Variants in PRKAA2 observed in about 807,000 individuals in gnomAD.
The protein encoded by PRKAA2 is protein kinase AMP-activated catalytic subunit alpha 2.
A neutral mutation model predicts 56.3 loss-of-function variants in PRKAA2; 40 were observed. The ratio of observed to expected loss-of-function variants is 0.71; its 90% CI spans 0.55 to 0.92. PRKAA2 has a LOEUF of 0.92. Ranked by LOEUF, PRKAA2 falls within the 40% of genes least tolerant of loss-of-function variation. PRKAA2 has a pLI of 0.00. For synonymous variants in PRKAA2, 214 were observed against 234.2 expected (o/e 0.91, Z 0.79); for missense variants, 542 against 686.9 (o/e 0.79, Z 2.36).
At chr1:56,697,686 G>A (rs1303090114) in intron 6 of PRKAA2, among the ~76,000 whole-genome samples, 1 of 152,012 alleles carries the variant, frequency 6.6e-6, no homozygotes, top group African/African-American at 2.4e-5. Flanking sequence ...TAATAGGCTG[G>A]GGGCAGTGTC....
chr1:56,664,891 C>T lies in PRKAA2; in HGVS notation c.95-9490C>T, dbSNP rs1291830326. ...ACACACACACACACACACACACACA[C>T]ATATATACATACATACAAACAGCTT... On this transcript the variant is annotated intron_variant, in intron 1 of 8. Coordinates refer to ENST00000371244, the MANE Select transcript of PRKAA2 (RefSeq NM_006252.4). Among the ~76,000 whole-genome samples, 11 of 114,166 alleles carry T rather than the reference C, an allele frequency of 9.6e-5. No individual in the cohort carries two copies. The South Asian group carries it at 4.8e-3, about 50-fold the overall frequency. The allele number at this position is 114,166 out of a possible 152,430, so 74.9% of individuals were successfully genotyped here.
intron 1 of PRKAA2, among the ~76,000 whole-genome samples, chr1:56,669,540 A>G (rs1318270270): frequency 6.6e-6 from 1 of 151,852 alleles, no homozygotes; most frequent in African/African-American, 2.4e-5. Flanking sequence ...TCACTCACCT[A>G]CTAGTTGAGT....
At chr1:56,681,492 C>G (rs952685649) in intron 2 of PRKAA2, among the ~76,000 whole-genome samples, 27 of 152,106 alleles carry the variant, frequency 1.8e-4, no homozygotes, top group African/African-American at 6.3e-4. Flanking sequence ...GGTTTTAGGT[C>G]TAACATTTAA....
intron 1 of PRKAA2, among the ~76,000 whole-genome samples, chr1:56,671,691 G>A (rs548230686): frequency 6.6e-6 from 1 of 152,304 alleles, no homozygotes; most frequent in African/African-American, 2.4e-5. Flanking sequence ...CATGTTTGGA[G>A]TACTCTGACT....
intron 4 of PRKAA2, among the ~76,000 whole-genome samples, chr1:56,693,057 G>A (rs1244085089): frequency 1.3e-5 from 2 of 152,134 alleles, no homozygotes; most frequent in African/African-American, 2.4e-5. Context: ...ATAAACATAC[G>A]TGGAAAGGAT....
chr1:56,651,595 A>G lies in PRKAA2; in HGVS notation c.94+6114A>G, dbSNP rs948263025. Among the ~76,000 whole-genome samples, 6 of 152,310 alleles carry G rather than the reference A, an allele frequency of 3.9e-5. No individual in the cohort carries two copies. The South Asian group carries it at 6.2e-4, about 16-fold the overall frequency. On this transcript the variant is annotated intron_variant, in intron 1 of 8. Transcript: ENST00000371244. ...CAAACCTACAAGGATATAATTTTCT[A>G]TGTCTGCTCATATTTATCAGAATTG...
intron 2 of PRKAA2, among the ~76,000 whole-genome samples, chr1:56,684,913 G>C (rs1381759768): frequency 6.6e-6 from 1 of 152,132 alleles, no homozygotes; most frequent in Non-Finnish European, 1.5e-5. Flanking sequence ...TATGCCAAAA[G>C]GAGTGATTCA....
intron 1 of PRKAA2, among the ~76,000 whole-genome samples, chr1:56,659,646 G>A (rs1488727202): frequency 1.3e-5 from 2 of 152,038 alleles, no homozygotes; most frequent in African/African-American, 2.4e-5. Context: ...ATAAAGCAGA[G>A]GTGTCATATC....
At chr1:56,676,005 C>G (rs1644110409) in intron 2 of PRKAA2, among the ~76,000 whole-genome samples, 1 of 152,064 alleles carries the variant, frequency 6.6e-6, no homozygotes, top group Non-Finnish European at 1.5e-5. Context: ...TCATTAAAAT[C>G]AGGCATTATA....
At chr1:56,684,490 A>G (rs555513658) in intron 2 of PRKAA2, among the ~76,000 whole-genome samples, 1 of 152,100 alleles carries the variant, frequency 6.6e-6, no homozygotes, top group South Asian at 2.1e-4. Context: ...CTAGAACACT[A>G]TGATGCTAAC....
intron 1 of PRKAA2, 111 bp from the exon 2 acceptor site, chr1:56,674,270 T>C: frequency 1.2e-6 from 1 of 856,696 alleles, no homozygotes; most frequent in Non-Finnish European, 1.7e-6. Flanking sequence ...CAACAAGGGA[T>C]ATAAAGATGG....
rs1049750516 is a variant in PRKAA2 at position 56,709,270 on chromosome 1, A to G, written c.*1557A>G. On this transcript the variant is annotated 3_prime_UTR_variant, in exon 9 of 9. Coordinates refer to ENST00000371244, the MANE Select transcript of PRKAA2 (RefSeq NM_006252.4). ...AGTTTCTCCTGTGTTAGTGGAAAACAAGTGTGTCTATCTTTAAATATTCTT... is the reference window on the plus strand; with the variant it reads ...AGTTTCTCCTGTGTTAGTGGAAAACGAGTGTGTCTATCTTTAAATATTCTT... 1 of 152,190 alleles carries G rather than the reference A, an allele frequency of 6.6e-6. No individual in the cohort carries two copies. The highest frequency in any genetic ancestry group is 2.4e-5 in the African/African-American group (1 of 41,468). The allele number at this position is 152,190 out of a possible 1,614,324, so 9.4% of individuals were successfully genotyped here. A position where few individuals can be genotyped will look rare whatever the true frequency, so the allele number is the denominator to read the frequency against.
chr1:56,699,704 C>T (rs1644281709), intron 6 of PRKAA2, among the ~76,000 whole-genome samples: 1 of 152,040 alleles, frequency 6.6e-6, no homozygotes, highest in Non-Finnish European at 1.5e-5. Flanking sequence ...CATCTAATTC[C>T]AGAACTATTT....
At chr1:56,659,938 A>G (rs1217118968) in intron 1 of PRKAA2, among the ~76,000 whole-genome samples, 2 of 152,194 alleles carry the variant, frequency 1.3e-5, no homozygotes, top group African/African-American at 4.8e-5. Context: ...AATACAGCAT[A>G]TCACATAATT....
At position 56,671,067 on chromosome 1, in the gene PRKAA2, C is replaced by G. The variant is rs951966158; in HGVS notation, c.95-3314C>G. ...GTAATAAAACTTTGAGGCATCCAAG[C>G]CTTTTCTTTTAATTTCTTTTGTTTC... On this transcript the variant is annotated intron_variant, in intron 1 of 8. Coordinates refer to ENST00000371244, the MANE Select transcript of PRKAA2 (RefSeq NM_006252.4). 2.0e-5 allele frequency among the ~76,000 whole-genome samples: 3 copies of G among 152,248 alleles called. No homozygotes were observed. In the East Asian group the frequency reaches 5.8e-4, roughly 29 times the overall value.
chr1:56,698,906 A>C (rs147131750), intron 6 of PRKAA2, among the ~76,000 whole-genome samples: 1 of 152,158 alleles, frequency 6.6e-6, no homozygotes, highest in Non-Finnish European at 1.5e-5. Flanking sequence ...CATGGAAAAC[A>C]CATCTTTGTG....
chr1:56,663,620 C>T (rs1644012018), intron 1 of PRKAA2, among the ~76,000 whole-genome samples: 1 of 152,208 alleles, frequency 6.6e-6, no homozygotes, highest in Non-Finnish European at 1.5e-5. Context: ...TTTTGACACC[C>T]ATTGAGTGGA....
chr1:56,689,088 A>C (rs943789511), intron 2 of PRKAA2, among the ~76,000 whole-genome samples: 2 of 152,150 alleles, frequency 1.3e-5, no homozygotes, highest in African/African-American at 4.8e-5. Flanking sequence ...ATGGCAGCTA[A>C]ATTTATTTAT....
At chr1:56,700,463 A>G (rs533753528) in intron 6 of PRKAA2, among the ~76,000 whole-genome samples, 3 of 152,178 alleles carry the variant, frequency 2.0e-5, no homozygotes, top group African/African-American at 7.2e-5. Flanking sequence ...ACAACTCTGC[A>G]TTTGTTTCTG....
Sources: gnomAD v4.1 joint callset for allele counts (sites outside exome capture counted in the v4.1 genomes callset) on GRCh38, gnomAD v4.1.1 for gene constraint, MANE v1.5 for transcripts, NCBI Gene and HGNC (gene_info 2026-07-23, HGNC 2026-07-21) for gene names.